Variants in SAMD4A observed in about 807,000 individuals in gnomAD.
SAMD4A encodes protein Smaug homolog 1.
A neutral mutation model predicts 81.3 loss-of-function variants in SAMD4A; 33 were observed. The ratio of observed to expected loss-of-function variants is 0.41; its 90% CI spans 0.31 to 0.54. The LOEUF (loss-of-function observed/expected upper bound fraction) is 0.54. Among genes scored for constraint, SAMD4A ranks in the 20% least tolerant of loss-of-function variants. SAMD4A has a pLI of 0.37. For missense variants in SAMD4A, 854 were observed against 951.1 expected (o/e 0.90, Z 1.34); for synonymous variants, 389 against 382.1 (o/e 1.02, Z -0.21).
chr14:54,781,795 C>T (rs2139971515), intron 11 of SAMD4A, among the ~76,000 whole-genome samples: 1 of 152,324 alleles, frequency 6.6e-6, no homozygotes, highest in South Asian at 2.1e-4. Context: ...GGCACCTAGC[C>T]CCATACAGCT....
chr14:54,659,369 A>G (rs1194931333), intron 2 of SAMD4A, among the ~76,000 whole-genome samples: 2 of 152,064 alleles, frequency 1.3e-5, no homozygotes, highest in Admixed American at 6.5e-5. Context: ...GGTGGTATCC[A>G]TTCATTCTTA....
At chr14:54,569,821 A>G (rs952022757) in intron 2 of SAMD4A, among the ~76,000 whole-genome samples, 3 of 152,222 alleles carry the variant, frequency 2.0e-5, no homozygotes, top group Non-Finnish European at 2.9e-5. Context: ...TCTTTAGGTT[A>G]TTCAAATGTT....
chr14:54,600,541 A>G (rs1222019103), intron 2 of SAMD4A, among the ~76,000 whole-genome samples: 1 of 152,210 alleles, frequency 6.6e-6, no homozygotes, highest in Non-Finnish European at 1.5e-5. Context: ...GTTAGCCACC[A>G]GATAACCTTT....
chr14:54,668,448 G>A (rs1426406074), intron 2 of SAMD4A, among the ~76,000 whole-genome samples: 4 of 152,184 alleles, frequency 2.6e-5, no homozygotes, highest in Non-Finnish European at 5.9e-5. Context: ...CCCCTAAAAG[G>A]ATCTTGGAGT....
intron 2 of SAMD4A, among the ~76,000 whole-genome samples, chr14:54,589,118 T>C (rs764487419): frequency 4.6e-5 from 7 of 152,190 alleles, no homozygotes; most frequent in Non-Finnish European, 8.8e-5. Context: ...TTAGAAAGTT[T>C]TACATTTGGA....
chr14:54,698,427 C>T (rs953135811), intron 2 of SAMD4A, among the ~76,000 whole-genome samples: 7 of 152,206 alleles, frequency 4.6e-5, no homozygotes, highest in African/African-American at 1.7e-4. Flanking sequence ...TACCTCCATT[C>T]TGCCACTTCA....
At chr14:54,778,836 G>A (rs1230375014) in intron 11 of SAMD4A, among the ~76,000 whole-genome samples, 1 of 152,132 alleles carries the variant, frequency 6.6e-6, no homozygotes, top group Non-Finnish European at 1.5e-5. Flanking sequence ...ATGCATAAAG[G>A]GCATGATAGG....
intron 4 of SAMD4A, among the ~76,000 whole-genome samples, chr14:54,739,055 C>CTTTTCTTTTT (rs5741994): frequency 1.3e-4 from 13 of 97,354 alleles, no homozygotes; most frequent in Middle Eastern, 0.014. Flanking sequence ...CTTTCCTTTT[C>CTTTTCTTTTT]TTTTTTTTTT....
chr14:54,573,444 A>G (rs1230079544), intron 2 of SAMD4A, among the ~76,000 whole-genome samples: 2 of 152,224 alleles, frequency 1.3e-5, no homozygotes, highest in African/African-American at 2.4e-5. Context: ...GTCTAATTCT[A>G]GAGAGAATTG....
intron 2 of SAMD4A, among the ~76,000 whole-genome samples, chr14:54,678,732 T>C (rs1466225907): frequency 2.6e-5 from 4 of 151,986 alleles, no homozygotes; most frequent in African/African-American, 9.7e-5. Flanking sequence ...GCATTTTTAG[T>C]AGAGACGGGG....
rs768661430 is a variant in SAMD4A at position 54,776,547 on chromosome 14, C to T, written c.2044+7C>T. On this transcript the variant is annotated splice_region_variant and intron_variant, in intron 11 of 12. Transcript: ENST00000554335. ...CTGATGTTCCAGCAGCCAGGTAGGGCCCGGCGCTTCATGTCCCCTTGACAC... is the reference window on the plus strand; with the variant it reads ...CTGATGTTCCAGCAGCCAGGTAGGGTCCGGCGCTTCATGTCCCCTTGACAC... 3 of 1,555,542 alleles carry T rather than the reference C, an allele frequency of 1.9e-6. No homozygotes were observed. The highest frequency in any genetic ancestry group is 5.0e-5 in the East Asian group (2 of 39,832).
chr14:54,627,064 G>C (rs1043994043), intron 2 of SAMD4A, among the ~76,000 whole-genome samples: 1 of 152,094 alleles, frequency 6.6e-6, no homozygotes, highest in African/African-American at 2.4e-5. Context: ...CTAAGCAATT[G>C]CTATTTCCTT....
chr14:54,746,315 T>C (rs977754684), intron 4 of SAMD4A, among the ~76,000 whole-genome samples: 1 of 152,214 alleles, frequency 6.6e-6, no homozygotes, highest in African/African-American at 2.4e-5. Flanking sequence ...CTAAAAACAG[T>C]GTCCGTGCGT....
At chr14:54,717,152 C>T (rs994162031) in intron 3 of SAMD4A, among the ~76,000 whole-genome samples, 2 of 152,050 alleles carry the variant, frequency 1.3e-5, no homozygotes, top group Admixed American at 1.3e-4. Context: ...CATCATTATT[C>T]AAGAAATTAT....
intron 2 of SAMD4A, among the ~76,000 whole-genome samples, chr14:54,624,726 G>A (rs902768511): frequency 1.2e-4 from 18 of 152,142 alleles, no homozygotes; most frequent in African/African-American, 4.3e-4. Flanking sequence ...AATTCAGTTG[G>A]TGAGCACCAT....
intron 3 of SAMD4A, among the ~76,000 whole-genome samples, chr14:54,716,591 T>A (rs1335204062): frequency 6.6e-6 from 1 of 152,196 alleles, no homozygotes; most frequent in African/African-American, 2.4e-5. Flanking sequence ...TTTTCTTAGT[T>A]GCTCGTTAGT....
rs2036572656 is a variant in SAMD4A, at chr14:54,696,125, TG to T, written c.197-5933del. On this transcript the variant is annotated intron_variant, in intron 2 of 12. Transcript: ENST00000554335. The stretch of plus-strand genomic sequence containing the variant: ...CACTAGCAGGGCTCCCACCAAATTA[TG>T]GGGATTCTTCTCTGGTCACCTCTAG... 1.3e-5 allele frequency among the ~76,000 whole-genome samples: 2 copies of T among 152,174 alleles called. 1 individual carries two copies. Among genetic ancestry groups the T allele is most frequent in the South Asian group, 4.1e-4 (2 of 4,832 alleles).
chr14:54,626,283 A>G lies in SAMD4A; in HGVS notation c.196+58171A>G, dbSNP rs111352308. Among the ~76,000 whole-genome samples the G allele has an allele frequency of 2.9e-3, 434 of 152,252 alleles. 4 individuals carry two copies. Among genetic ancestry groups the G allele is most frequent in the African/African-American group, 9.8e-3 (409 of 41,546 alleles). ...AATTTCACTTTCCACAGGATACTGT[A>G]TTTCTTTCAGGCTAATCTATATTTT... On this transcript the variant is annotated intron_variant, in intron 2 of 12. Transcript: ENST00000554335.
In SAMD4A at chr14:54,789,782, G is replaced by C. The variant is rs553197050; in HGVS notation, c.*838G>C. ...AGCTGTCCGTCTTTCACCGTTAGGT[G>C]GGAGGAGCGTATGGGTGGACTTGAA... On this transcript the variant is annotated 3_prime_UTR_variant, in exon 13 of 13. Coordinates refer to ENST00000554335, the MANE Select transcript of SAMD4A (RefSeq NM_015589.6). The C allele has an allele frequency of 6.6e-5, 10 of 152,342 alleles. No homozygotes were observed. The highest frequency in any genetic ancestry group is 1.5e-4 in the Non-Finnish European group (10 of 68,120). 9.4% of individuals were successfully genotyped at this position (152,342 alleles called of 1,614,324 possible). A position where few individuals can be genotyped will look rare whatever the true frequency, so the allele number is the denominator to read the frequency against.
Sources: allele counts gnomAD v4.1 joint callset (sites outside exome capture counted in the v4.1 genomes callset), GRCh38; gene constraint gnomAD v4.1.1; transcripts MANE v1.5; gene names NCBI Gene and HGNC (gene_info 2026-07-23, HGNC 2026-07-21).